The following FGF13 variants were observed in gnomAD, a reference collection of about 807,000 sequenced individuals.
The protein encoded by FGF13 is fibroblast growth factor homologous factor 2.
In FGF13, 2 loss-of-function variants were observed where a neutral mutation model predicts 19.5. That is an observed-to-expected ratio of 0.10 (90% CI 0.04 to 0.32). FGF13 has a LOEUF of 0.32. FGF13 is among the 10% of genes least tolerant of loss of function. The probability of loss-of-function intolerance (pLI) is 1.00; values close to 1 mark genes in which losing one functional copy is unlikely to be tolerated. For missense variants in FGF13, 113 were observed against 192.7 expected (o/e 0.59, Z 2.45); for synonymous variants, 72 against 76.9 (o/e 0.94, Z 0.33).
intron 1 of FGF13, among the ~76,000 whole-genome samples, chrX:138,922,423 C>T (rs912147984): frequency 9.0e-6 from 1 of 111,656 alleles, no homozygotes; most frequent in African/African-American, 3.3e-5. Context: ...ACGCCTCAAT[C>T]TGTGGGGAGT....
chrX:139,095,582 G>A (rs775160332), intron 1 of FGF13, among the ~76,000 whole-genome samples: 16 of 111,674 alleles, frequency 1.4e-4, no homozygotes, highest in South Asian at 3.8e-4. Context: ...GAGTGGCTTC[G>A]GCCTAATTGT....
chrX:138,850,048 T>C (rs1482242221), intron 3 of FGF13, among the ~76,000 whole-genome samples: 1 of 111,223 alleles, frequency 9.0e-6, no homozygotes, highest in Non-Finnish European at 1.9e-5. Context: ...CAACTTTGTC[T>C]CAAGGAAACC....
chrX:139,103,750 T>C lies in FGF13; in HGVS notation c.-113+99666A>G, dbSNP rs1375529316. Among the ~76,000 whole-genome samples the C allele has an allele frequency of 6.2e-5, 7 of 112,226 alleles. No homozygotes were observed. In the Admixed American group the frequency reaches 6.6e-4, roughly 11 times the overall value. On this transcript the variant is annotated intron_variant, in intron 1 of 2. Transcript: ENST00000421460. ...AAACAGTTAAGAGCTACTGCAGTTA[T>C]CCAAGTGTGAATTACTGTAGGCCTG...
At chrX:138,791,481 T>C (rs149375206) in intron 3 of FGF13, among the ~76,000 whole-genome samples, 1,687 of 112,469 alleles carry the variant, frequency 0.015, 15 homozygotes, top group Middle Eastern at 0.032. Flanking sequence ...GTTAATTGGC[T>C]GTTTTATTTG....
At chrX:138,725,099 A>C (rs770187118) in intron 1 of FGF13, among the ~76,000 whole-genome samples, 3 of 112,044 alleles carry the variant, frequency 2.7e-5, no homozygotes, top group Non-Finnish European at 5.7e-5. Context: ...CTATGGTTCA[A>C]TATGTTTTAC....
chrX:138,777,647 C>G (rs745758061), intron 3 of FGF13, among the ~76,000 whole-genome samples: 7 of 111,729 alleles, frequency 6.3e-5, no homozygotes, highest in Admixed American at 9.5e-5. Context: ...CAAGCAAGGA[C>G]CAGTGGGAGT....
Position 138,885,585 on chromosome X carries a change from C to T in FGF13, c.-112-20935G>A, listed in dbSNP as rs761742960. 2.8e-4 allele frequency among the ~76,000 whole-genome samples: 30 copies of T among 108,537 alleles called. 1 individual carries two copies. The South Asian group carries it at 0.012, about 45-fold the overall frequency. The allele number at this position is 108,537 out of a possible 115,157, so 94.3% of individuals were successfully genotyped here. A position where few individuals can be genotyped will look rare whatever the true frequency, so the allele number is the denominator to read the frequency against. ...CTACTTCAGCCACATTGGAGTATAT[C>T]ATCATTGCAAGGTCTCTGCTTGGAG... On this transcript the variant is annotated intron_variant, in intron 1 of 2. Coordinates refer to the FGF13 transcript ENST00000421460.
intron 1 of FGF13, among the ~76,000 whole-genome samples, chrX:139,171,023 G>A (rs2084128178): frequency 9.0e-6 from 1 of 111,211 alleles, no homozygotes; most frequent in African/African-American, 3.3e-5. Flanking sequence ...CCAAAGTCCA[G>A]CTCTGATTGT....
intron 1 of FGF13, among the ~76,000 whole-genome samples, chrX:138,943,817 GA>G (rs1444803167): frequency 9.0e-6 from 1 of 111,548 alleles, no homozygotes; most frequent in East Asian, 2.8e-4. Context: ...GGTATAACAG[GA>G]TAAGTGGACA....
At chrX:139,087,055 G>A (rs2083408618) in intron 1 of FGF13, among the ~76,000 whole-genome samples, 1 of 112,723 alleles carries the variant, frequency 8.9e-6, no homozygotes, top group Non-Finnish European at 1.9e-5. Context: ...CCAGCACTTT[G>A]GGAGGCCAAG....
chrX:138,704,881 A>G (rs1162110246), intron 2 of FGF13, among the ~76,000 whole-genome samples: 1 of 112,582 alleles, frequency 8.9e-6, no homozygotes, highest in Non-Finnish European at 1.9e-5. Context: ...GAAGTCTGAC[A>G]TCTCTGAGCA....
chrX:138,697,500 C>T (rs1026768562), intron 3 of FGF13, among the ~76,000 whole-genome samples: 3 of 109,179 alleles, frequency 2.7e-5, no homozygotes, highest in Non-Finnish European at 3.8e-5. Context: ...GACTACAAAA[C>T]GTGACAGTAA....
chrX:139,179,054 A>ACCTTGGGCCAG (rs1411098043), intron 1 of FGF13, among the ~76,000 whole-genome samples: 1 of 112,493 alleles, frequency 8.9e-6, no homozygotes, highest in African/African-American at 3.2e-5. Context: ...ATCAATAACT[A>ACCTTGGGCCAG]ACACATGAAG....
intron 1 of FGF13, among the ~76,000 whole-genome samples, chrX:138,959,945 A>G: frequency 8.9e-6 from 1 of 111,990 alleles, no homozygotes; most frequent in Non-Finnish European, 1.9e-5. Context: ...TCCTGAATAC[A>G]GCACACTGAT....
chrX:138,785,076 T>C (rs2124365089), intron 3 of FGF13, among the ~76,000 whole-genome samples: 1 of 112,092 alleles, frequency 8.9e-6, no homozygotes, highest in Admixed American at 9.4e-5. Context: ...TTTTCTATTC[T>C]CAAACCTACA....
downstream of FGF13, among the ~76,000 whole-genome samples, chrX:138,854,745 T>C (rs1415004598): frequency 9.0e-6 from 1 of 111,657 alleles, no homozygotes; most frequent in Non-Finnish European, 1.9e-5. Flanking sequence ...GGTTTTAACA[T>C]TGCATAAAAA....
intron 1 of FGF13, among the ~76,000 whole-genome samples, chrX:138,891,202 G>C (rs998936552): frequency 8.9e-6 from 1 of 111,736 alleles, no homozygotes; most frequent in East Asian, 2.8e-4. Context: ...GGAGAATGCC[G>C]TGAACTCGGG....
In FGF13 at chrX:138,872,755, G is replaced by A. The variant is rs183476928; in HGVS notation, c.-112-8105C>T. On this transcript the variant is annotated intron_variant, in intron 1 of 2. Transcript: ENST00000421460. ...ATGGAAGTGGTAGACTGACTGGTGA[G>A]GTTTCAAAAGATAAACTAGCATTCC... Among the ~76,000 whole-genome samples the A allele has an allele frequency of 1.4e-4, 16 of 112,060 alleles. No individual in the cohort carries two copies. The East Asian group carries it at 3.4e-3, about 24-fold the overall frequency.
chrX:139,028,688 A>AGTGTGCGTGTGT (rs2092213546), intron 1 of FGF13, among the ~76,000 whole-genome samples: 1 of 80,690 alleles, frequency 1.2e-5, no homozygotes, highest in Non-Finnish European at 2.3e-5. Context: ...TGTGAAAGAC[A>AGTGTGCGTGTGT]GTGTGTGTGT....
Sources: gnomAD v4.1 joint callset for allele counts (sites outside exome capture counted in the v4.1 genomes callset) on GRCh38, gnomAD v4.1.1 for gene constraint, MANE v1.5 for transcripts, NCBI Gene and HGNC (gene_info 2026-07-23, HGNC 2026-07-21) for gene names.